The following GABRB3 variants were observed in gnomAD, a reference collection of about 807,000 sequenced individuals.
GABRB3 encodes the protein gamma-aminobutyric acid receptor subunit beta-3.
In GABRB3, 14 loss-of-function variants were observed where a neutral mutation model predicts 52.1. The ratio of observed to expected loss-of-function variants is 0.27; its 90% CI spans 0.18 to 0.42. The LOEUF (loss-of-function observed/expected upper bound fraction) is 0.42, where lower values mean the gene tolerates loss of function less well. Among genes scored for constraint, GABRB3 ranks in the 10% least tolerant of loss-of-function variants. GABRB3 has a pLI of 1.00. For missense variants in GABRB3, 307 were observed against 609.1 expected, an observed-to-expected ratio of 0.50 and a Z score of 5.22; for synonymous variants, 260 against 232.3, an observed-to-expected ratio of 1.12 and a Z score of -1.08.
chr15:26,617,443 G>A (rs2140529067), intron 4 of GABRB3, among the ~76,000 whole-genome samples: 1 of 152,224 alleles, frequency 6.6e-6, no homozygotes, highest in East Asian at 1.9e-4. Flanking sequence ...ATGCAGAAAA[G>A]CCCTTTGACA....
chr15:26,715,834 T>C (rs933896290), intron 3 of GABRB3, among the ~76,000 whole-genome samples: 10 of 152,306 alleles, frequency 6.6e-5, no homozygotes, highest in Non-Finnish European at 1.2e-4. Flanking sequence ...TGGTCTGTCA[T>C]TTATGGGCCT....
chr15:26,664,701 T>TTTG (rs1306363078), intron 3 of GABRB3, among the ~76,000 whole-genome samples: 1 of 116,584 alleles, frequency 8.6e-6, no homozygotes, highest in Admixed American at 1.1e-4. Context: ...TTTTCTTTTC[T>TTTG]TTGTTTTTTT....
intron 4 of GABRB3, among the ~76,000 whole-genome samples, chr15:26,583,731 T>C (rs1890871858): frequency 1.3e-5 from 2 of 151,998 alleles, no homozygotes; most frequent in South Asian, 2.1e-4. Context: ...ATATATACAC[T>C]GTGAAATAGT....
chr15:26,699,547 A>T (rs1393647185), intron 3 of GABRB3, among the ~76,000 whole-genome samples: 1 of 151,572 alleles, frequency 6.6e-6, no homozygotes, highest in Admixed American at 6.6e-5. Flanking sequence ...GACATTTTAA[A>T]AGTTATTATA....
At chr15:26,718,195 A>T (rs1889547380) in intron 3 of GABRB3, among the ~76,000 whole-genome samples, 1 of 152,012 alleles carries the variant, frequency 6.6e-6, no homozygotes, top group Admixed American at 6.6e-5. Flanking sequence ...TTAATAGCTT[A>T]TTTCTTATTT....
rs1891882853 is a variant in GABRB3, at chr15:26,607,533, C to A, written c.461+13781G>T. ...GTTACAGTGAACTATAATTGCCCCACTGCATTCCAGCCTAGGTGACAAAGG... is the reference window on the plus strand; with the variant it reads ...GTTACAGTGAACTATAATTGCCCCAATGCATTCCAGCCTAGGTGACAAAGG... On this transcript the variant is annotated intron_variant, in intron 4 of 8. Transcript: ENST00000311550. 3.3e-5 allele frequency among the ~76,000 whole-genome samples: 5 copies of A among 151,942 alleles called. No individual in the cohort carries two copies. The South Asian group carries it at 1.0e-3, about 31-fold the overall frequency.
chr15:26,658,534 C>T (rs572684014), intron 3 of GABRB3: 1 of 152,314 alleles, frequency 6.6e-6, no homozygotes, highest in African/African-American at 2.4e-5. Context: ...AGTCATAGTT[C>T]TCATAATCAA....
intron 3 of GABRB3, among the ~76,000 whole-genome samples, chr15:26,739,051 A>C (rs1473645238): frequency 6.6e-6 from 1 of 152,178 alleles, no homozygotes; most frequent in African/African-American, 2.4e-5. Context: ...TAGGAGCTCA[A>C]ATATGGGCTT....
chr15:26,738,332 C>T (rs986771646), intron 3 of GABRB3, among the ~76,000 whole-genome samples: 1 of 152,162 alleles, frequency 6.6e-6, no homozygotes, highest in African/African-American at 2.4e-5. Flanking sequence ...ATCCACCCGC[C>T]TCCGCCCCCC....
chr15:26,704,665 T>A (rs1340194375), intron 3 of GABRB3, among the ~76,000 whole-genome samples: 1 of 152,232 alleles, frequency 6.6e-6, no homozygotes, highest in Admixed American at 6.5e-5. Context: ...TGCTTTGAGA[T>A]TTCATCTGCT....
In GABRB3 at chr15:26,752,105, G is replaced by A. The variant is rs544939303; in HGVS notation, c.240+20297C>T. Among the ~76,000 whole-genome samples the A allele has an allele frequency of 5.9e-5, 9 of 152,186 alleles. No homozygotes were observed. The South Asian group carries it at 1.9e-3, about 32-fold the overall frequency. On this transcript the variant is annotated intron_variant, in intron 3 of 8. Transcript: ENST00000311550. ...GCCTCCTCATGCACACCTTCTTTCT[G>A]TCTTTCCTTTCTGGTTCTCCCTGTA...
intron 4 of GABRB3, among the ~76,000 whole-genome samples, chr15:26,600,354 T>C (rs1214418523): frequency 6.6e-6 from 1 of 151,944 alleles, no homozygotes; most frequent in Non-Finnish European, 1.5e-5. Flanking sequence ...ACGTTCTTAA[T>C]CTAGTAATAG....
intron 3 of GABRB3, among the ~76,000 whole-genome samples, chr15:26,723,598 A>G (rs1595552399): frequency 6.6e-6 from 1 of 151,954 alleles, no homozygotes; most frequent in African/African-American, 2.4e-5. Context: ...GACACACCTG[A>G]CCTCCCAGCC....
At chr15:26,750,245 C>T (rs1323541581) in intron 3 of GABRB3, 2 of 152,188 alleles carry the variant, frequency 1.3e-5, no homozygotes, top group African/African-American at 4.8e-5. Flanking sequence ...GTTAAAACTA[C>T]TTACTAAAAT....
At chr15:26,625,398 T>A (rs1322865689) in intron 3 of GABRB3, 5 of 706,220 alleles carry the variant, frequency 7.1e-6, no homozygotes, top group African/African-American at 1.9e-5. Context: ...CTTCAATGCA[T>A]CCCATACATC....
At chr15:26,674,911 GT>G (rs1407267441) in intron 3 of GABRB3, among the ~76,000 whole-genome samples, 2 of 152,172 alleles carry the variant, frequency 1.3e-5, no homozygotes, top group African/African-American at 4.8e-5. Context: ...TAGATGTACT[GT>G]TTTCTCCTTG....
rs544253047 is a variant in GABRB3, at chr15:26,753,206, G to C, written c.240+19196C>G. 2.2e-4 allele frequency among the ~76,000 whole-genome samples: 34 copies of C among 152,184 alleles called. No individual in the cohort carries two copies. In the South Asian group the frequency reaches 6.2e-3, roughly 28 times the overall value. ...TCCTTATTCTTAGTGTCCCGTCACC[G>C]CAGACACTGGCTCCAGTTACCCCTT... is the stretch of plus-strand genomic sequence containing the variant. On this transcript the variant is annotated intron_variant, in intron 3 of 8. Transcript: ENST00000311550.
intron 3 of GABRB3, among the ~76,000 whole-genome samples, chr15:26,638,141 G>T (rs1893104397): frequency 6.6e-6 from 1 of 152,152 alleles, no homozygotes; most frequent in Non-Finnish European, 1.5e-5. Context: ...TCTGGACACT[G>T]AAGTCCCCAT....
At chr15:26,742,888 C>T (rs1034315322) in intron 3 of GABRB3, among the ~76,000 whole-genome samples, 1 of 148,834 alleles carries the variant, frequency 6.7e-6, no homozygotes, top group Non-Finnish European at 1.5e-5. Context: ...AGTATCTATA[C>T]AAGCCTCCTC....
Sources: allele counts gnomAD v4.1 joint callset (sites outside exome capture counted in the v4.1 genomes callset), GRCh38; gene constraint gnomAD v4.1.1; transcripts MANE v1.5; gene names NCBI Gene and HGNC (gene_info 2026-07-23, HGNC 2026-07-21).